Variants in PYY observed in about 807,000 individuals in gnomAD.
PYY encodes peptide tyrosine tyrosine.
A neutral mutation model predicts 10.3 loss-of-function variants in PYY; 12 were observed. The observed-to-expected ratio is 1.17, with a 90% CI of 0.75 to 1.89. PYY has a LOEUF of 1.89. Ranked by LOEUF, PYY falls within the 40% of genes most tolerant of loss-of-function variation. PYY has a pLI of 0.00. For missense variants in PYY, 141 were observed against 134.0 expected, an observed-to-expected ratio of 1.05 and a Z score of -0.26; for synonymous variants, 66 against 62.0, an observed-to-expected ratio of 1.06 and a Z score of -0.30.
chr17:43,962,721 A>G (rs1343479203), intron 2 of PYY, among the ~76,000 whole-genome samples: 1 of 152,166 alleles, frequency 6.6e-6, no homozygotes, highest in African/African-American at 2.4e-5. Context: ...GATTTGTATG[A>G]CTTGAGATGT....
intron 1 of PYY, among the ~76,000 whole-genome samples, chr17:43,984,572 G>C (rs900782109): frequency 2.6e-5 from 4 of 152,224 alleles, no homozygotes; most frequent in Non-Finnish European, 4.4e-5. Context: ...AAACCTTAGG[G>C]CTTGCAGCTG....
chr17:43,961,191 A>G (rs991138518), intron 2 of PYY, among the ~76,000 whole-genome samples: 7 of 151,850 alleles, frequency 4.6e-5, no homozygotes, highest in African/African-American at 1.7e-4. Flanking sequence ...GCTCCACTGC[A>G]CTCCAGCCTG....
chr17:43,995,837 A>AG (rs2048988634), intron 1 of PYY, among the ~76,000 whole-genome samples: 2 of 150,546 alleles, frequency 1.3e-5, no homozygotes, highest in Admixed American at 1.3e-4. Context: ...ATGAAAAAAA[A>AG]AAAAAAAAAC....
chr17:43,959,928 G>T (rs73986650), intron 2 of PYY, among the ~76,000 whole-genome samples: 1,760 of 152,330 alleles, frequency 0.012, 35 homozygotes, highest in African/African-American at 0.04. Context: ...TTCTGACCTA[G>T]GTCAGACACA....
intron 1 of PYY, among the ~76,000 whole-genome samples, chr17:43,978,186 T>C (rs957644196): frequency 1.6e-5 from 2 of 127,868 alleles, no homozygotes; most frequent in Admixed American, 9.2e-5. Flanking sequence ...AGCAAGACCC[T>C]GAAAGAAAGA....
At chr17:43,982,605 T>TG (rs1450230301) in intron 1 of PYY, among the ~76,000 whole-genome samples, 1 of 151,480 alleles carries the variant, frequency 6.6e-6, no homozygotes, top group African/African-American at 2.4e-5. Flanking sequence ...TAGCAGGGGC[T>TG]GGGGGGAAAG....
chr17:44,003,224 G>A lies in PYY; in HGVS notation c.-463+1167C>T, dbSNP rs576170535. On this transcript the variant is annotated intron_variant, in intron 1 of 6. Transcript: ENST00000360085. ...ATTTTTGTATTTTTAGTAGAGATGG[G>A]GTTTCACCATGTTGGCCAGGCTGGT... Among the ~76,000 whole-genome samples, 3 of 151,994 alleles carry A rather than the reference G, an allele frequency of 2.0e-5. No homozygotes were observed. In the East Asian group the frequency reaches 5.8e-4, roughly 30 times the overall value.
rs1161116111 is a variant in PYY at position 43,976,230 on chromosome 17, C to CGT, written c.-462-9699_-462-9698insAC. On this transcript the variant is annotated intron_variant, in intron 1 of 6. Transcript: ENST00000360085. Reference sequence around the variant, plus strand: ...ATATACGTATATGTATACATATATACATATGCGTATATATACACATATGTA... The same window carrying CGT: ...ATATACGTATATGTATACATATATACGTATATGCGTATATATACACATATGTA... Among the ~76,000 whole-genome samples the CGT allele has an allele frequency of 2.1e-4, 29 of 136,678 alleles. 2 individuals are homozygous for CGT. The highest frequency in any genetic ancestry group is 5.1e-4 in the Admixed American group (7 of 13,780). The allele number at this position is 136,678 out of a possible 152,430, so 89.7% of individuals were successfully genotyped here.
At chr17:43,992,344 G>A (rs2048962792) in intron 1 of PYY, among the ~76,000 whole-genome samples, 3 of 152,032 alleles carry the variant, frequency 2.0e-5, no homozygotes, top group Non-Finnish European at 1.5e-5. Context: ...ACTTTGGGAG[G>A]CCGAGGCAGA....
upstream of PYY, among the ~76,000 whole-genome samples, chr17:43,957,068 C>T (rs1259204066): frequency 4.6e-5 from 7 of 151,750 alleles, no homozygotes; most frequent in South Asian, 4.2e-4. Context: ...CGTCGTGGCG[C>T]ATGCCTGTAG....
At chr17:43,974,093 T>C (rs1009100812) in intron 1 of PYY, among the ~76,000 whole-genome samples, 9 of 152,086 alleles carry the variant, frequency 5.9e-5, no homozygotes, top group Non-Finnish European at 1.0e-4. Flanking sequence ...CCCCTTCCCA[T>C]TGCAATTTGC....
At chr17:43,999,347 C>T (rs557095411) in intron 1 of PYY, among the ~76,000 whole-genome samples, 25 of 152,000 alleles carry the variant, frequency 1.6e-4, no homozygotes, top group South Asian at 1.5e-3. Flanking sequence ...CAATTTTGTT[C>T]GCTTTTTCCA....
chr17:43,963,452 G>A (rs1407642394), intron 2 of PYY, among the ~76,000 whole-genome samples: 4 of 144,228 alleles, frequency 2.8e-5, no homozygotes, highest in African/African-American at 1.0e-4. Context: ...AGGTTACAGC[G>A]AGCTGAGATC....
intron 1 of PYY, among the ~76,000 whole-genome samples, chr17:43,986,755 G>T (rs969070754): frequency 6.2e-4 from 95 of 152,174 alleles, no homozygotes; most frequent in African/African-American, 2.1e-3. Context: ...CACCGTCAGC[G>T]CAGCCTGCGT....
upstream of PYY, among the ~76,000 whole-genome samples, chr17:43,955,150 G>A (rs1229656624): frequency 6.6e-6 from 1 of 152,224 alleles, no homozygotes; most frequent in Non-Finnish European, 1.5e-5. Flanking sequence ...GAGAGGCGGA[G>A]TAGGGGAAGG....
chr17:43,981,864 G>A (rs1274789167), intron 1 of PYY, among the ~76,000 whole-genome samples: 3 of 149,672 alleles, frequency 2.0e-5, no homozygotes, highest in African/African-American at 7.3e-5. Flanking sequence ...TTTTTCTTTT[G>A]AATTGTCCAC....
intron 2 of PYY, 23 bp from the exon 3 acceptor site, chr17:43,953,212 C>T: frequency 6.2e-7 from 1 of 1,606,434 alleles, no homozygotes. Context: ...AAGGGAAGAG[C>T]GTGGTCAGAT....
chr17:43,957,928 TC>T (rs2143893696), upstream of PYY: 1 of 154,738 alleles, frequency 6.5e-6, no homozygotes, highest in East Asian at 1.9e-4. Context: ...CTAGGAGCTC[TC>T]CCTCTTACCT....
chr17:43,969,803 G>T (rs2048777897), intron 1 of PYY, among the ~76,000 whole-genome samples: 1 of 151,458 alleles, frequency 6.6e-6, no homozygotes, highest in Non-Finnish European at 1.5e-5. Flanking sequence ...GAGTGCAGTG[G>T]CGCCATCTCA....
Sources: allele counts gnomAD v4.1 joint callset (sites outside exome capture counted in the v4.1 genomes callset), GRCh38; gene constraint gnomAD v4.1.1; transcripts MANE v1.5; gene names NCBI Gene and HGNC (gene_info 2026-07-23, HGNC 2026-07-21).